The following ATRNL1 variants were observed in gnomAD, a reference collection of about 807,000 sequenced individuals.
ATRNL1 encodes the protein attractin-like protein 1.
ATRNL1 carries 95 observed loss-of-function variants against 182.7 expected under a neutral mutation model. The observed-to-expected ratio is 0.52, with a 90% CI of 0.44 to 0.62. The LOEUF is 0.62. Ranked by LOEUF, ATRNL1 falls within the 20% of genes least tolerant of loss-of-function variation. The pLI is 0.00. For synonymous variants in ATRNL1, 576 were observed against 568.3 expected, an observed-to-expected ratio of 1.01 and a Z score of -0.19; for missense variants, 1,471 against 1,679.5, an observed-to-expected ratio of 0.88 and a Z score of 2.17.
chr10:115,869,906 T>C (rs1048206763), intron 28 of ATRNL1, among the ~76,000 whole-genome samples: 36 of 151,978 alleles, frequency 2.4e-4, no homozygotes, highest in Middle Eastern at 3.4e-3. Flanking sequence ...TTTTTATGGA[T>C]GTATCATAAA....
chr10:115,825,582 C>T (rs371572258), intron 27 of ATRNL1, among the ~76,000 whole-genome samples: 55 of 152,270 alleles, frequency 3.6e-4, no homozygotes, highest in African/African-American at 1.3e-3. Flanking sequence ...AATCCTTTGC[C>T]TACAAATGGC....
At chr10:115,333,485 CT>C (rs35581763) in intron 18 of ATRNL1, among the ~76,000 whole-genome samples, 122 of 138,330 alleles carry the variant, frequency 8.8e-4, no homozygotes, top group Middle Eastern at 7.6e-3. Context: ...TTCAAAAGTA[CT>C]TTTTTTTTTT....
intron 19 of ATRNL1, among the ~76,000 whole-genome samples, chr10:115,377,702 T>A (rs1554949928): frequency 6.6e-6 from 1 of 152,154 alleles, no homozygotes; most frequent in African/African-American, 2.4e-5. Context: ...TCTGTATATG[T>A]CTTTATAAGT....
intron 26 of ATRNL1, among the ~76,000 whole-genome samples, chr10:115,592,539 C>T (rs1855975891): frequency 6.6e-6 from 1 of 152,138 alleles, no homozygotes; most frequent in African/African-American, 2.4e-5. Flanking sequence ...CTTACTCCAC[C>T]CCGCTAAGTC....
intron 28 of ATRNL1, among the ~76,000 whole-genome samples, chr10:115,877,880 T>G (rs2134432319): frequency 6.6e-6 from 1 of 152,362 alleles, no homozygotes; most frequent in East Asian, 1.9e-4. Context: ...AGCACCGTGC[T>G]AGGCACTAAT....
At chr10:115,856,863 G>T (rs1237967129) in intron 28 of ATRNL1, among the ~76,000 whole-genome samples, 1 of 152,100 alleles carries the variant, frequency 6.6e-6, no homozygotes, top group Non-Finnish European at 1.5e-5. Context: ...GTACATGTAT[G>T]CAGCCTGGGG....
chr10:115,598,349 A>ATT (rs60415643), intron 26 of ATRNL1, among the ~76,000 whole-genome samples: 46 of 140,564 alleles, frequency 3.3e-4, no homozygotes, highest in African/African-American at 1.0e-3. Flanking sequence ...TATTTAAAAA[A>ATT]ATTATTTATT....
At chr10:115,511,079 T>G (rs1008321747) in intron 24 of ATRNL1, among the ~76,000 whole-genome samples, 2 of 152,008 alleles carry the variant, frequency 1.3e-5, no homozygotes, top group Non-Finnish European at 2.9e-5. Flanking sequence ...TGCAGAGCTG[T>G]CTGGTATATT....
At chr10:115,621,061 T>C (rs1857709031) in intron 26 of ATRNL1, among the ~76,000 whole-genome samples, 1 of 151,954 alleles carries the variant, frequency 6.6e-6, no homozygotes, top group South Asian at 2.1e-4. Context: ...AGATTTTCCT[T>C]GTTTTTATTT....
intron 6 of ATRNL1, among the ~76,000 whole-genome samples, chr10:115,163,238 T>C (rs1308221942): frequency 6.6e-6 from 1 of 151,948 alleles, no homozygotes; most frequent in East Asian, 1.9e-4. Flanking sequence ...AACTGCAGAA[T>C]AGGGGCTCAG....
intron 27 of ATRNL1, among the ~76,000 whole-genome samples, chr10:115,771,357 A>C (rs1007909030): frequency 1.3e-5 from 2 of 151,814 alleles, no homozygotes; most frequent in Non-Finnish European, 2.9e-5. Context: ...CAGCCTCCCA[A>C]GTAGCTGGGA....
intron 26 of ATRNL1, among the ~76,000 whole-genome samples, chr10:115,622,290 CA>C (rs777962454): frequency 3.9e-4 from 59 of 152,196 alleles, no homozygotes; most frequent in Non-Finnish European, 7.6e-4. Context: ...TGTTTTGAAA[CA>C]AAGAGAATAT....
chr10:115,411,707 A>G (rs1220076993), intron 20 of ATRNL1, among the ~76,000 whole-genome samples: 1 of 152,108 alleles, frequency 6.6e-6, no homozygotes, highest in Admixed American at 6.6e-5. Flanking sequence ...TAAAGTATCA[A>G]TTTGTTTAAG....
intron 21 of ATRNL1, among the ~76,000 whole-genome samples, chr10:115,426,973 T>G (rs1554963048): frequency 6.6e-6 from 1 of 152,170 alleles, no homozygotes. Context: ...TCCGCCCACC[T>G]TGGCCTCCCA....
intron 26 of ATRNL1, among the ~76,000 whole-genome samples, chr10:115,630,498 A>C (rs541981643): frequency 5.3e-5 from 8 of 151,840 alleles, no homozygotes; most frequent in African/African-American, 1.9e-4. Context: ...GATCCAACAA[A>C]TCTACTTCTG....
At chr10:115,598,808 ATC>A (rs1404897432) in intron 26 of ATRNL1, among the ~76,000 whole-genome samples, 2 of 152,154 alleles carry the variant, frequency 1.3e-5, no homozygotes, top group Non-Finnish European at 2.9e-5. Flanking sequence ...CCCATATTTA[ATC>A]TGTTTTAATA....
chr10:115,844,946 A>G (rs1950894682), intron 27 of ATRNL1, among the ~76,000 whole-genome samples: 2 of 152,216 alleles, frequency 1.3e-5, no homozygotes, highest in East Asian at 1.9e-4. Flanking sequence ...TATCAGAAAC[A>G]TTATCATTTG....
intron 1 of ATRNL1, among the ~76,000 whole-genome samples, chr10:115,102,844 A>T (rs781864688): frequency 6.6e-6 from 1 of 152,168 alleles, no homozygotes; most frequent in Non-Finnish European, 1.5e-5. Context: ...TTGTCAATTA[A>T]AAAAGTCTTG....
chr10:115,557,989 G>C (rs1853416675), intron 26 of ATRNL1, among the ~76,000 whole-genome samples: 1 of 150,844 alleles, frequency 6.6e-6, no homozygotes, highest in African/African-American at 2.4e-5. Context: ...AGGTTGCAGT[G>C]AGCCGAGATC....
Sources: allele counts gnomAD v4.1 joint callset (sites outside exome capture counted in the v4.1 genomes callset), GRCh38; gene constraint gnomAD v4.1.1; transcripts MANE v1.5; gene names NCBI Gene and HGNC (gene_info 2026-07-23, HGNC 2026-07-21).